MPHOSPH9: variants seen among roughly 807,000 people sequenced by gnomAD.
MPHOSPH9 encodes M-phase phosphoprotein 9.
In MPHOSPH9, 88 loss-of-function variants were observed where a neutral mutation model predicts 145.5. That is an observed-to-expected ratio of 0.60 (90% CI 0.51 to 0.72). The LOEUF is 0.72. Ranked by LOEUF, MPHOSPH9 falls within the 30% of genes least tolerant of loss-of-function variation. The pLI is 0.00. For synonymous variants in MPHOSPH9, 435 were observed against 486.2 expected (o/e 0.89, Z 1.39); for missense variants, 1,238 against 1,386.6 (o/e 0.89, Z 1.70).
intron 8 of MPHOSPH9, among the ~76,000 whole-genome samples, chr12:123,207,110 CT>C (rs2046468265): frequency 7.4e-6 from 1 of 134,638 alleles, no homozygotes; most frequent in Non-Finnish European, 1.6e-5. Flanking sequence ...TCTAAAGACT[CT>C]TTCCATAAGA....
intron 6 of MPHOSPH9, among the ~76,000 whole-genome samples, chr12:123,216,723 A>C (rs1790130): frequency 0.64 from 97,591 of 151,910 alleles, 35,825 homozygotes; most frequent in East Asian, 1. Flanking sequence ...TTGGGCCAGG[A>C]ACAGTGGCTC....
Position 123,171,664 on chromosome 12 carries a change from G to A in MPHOSPH9, c.2457-4875C>T, listed in dbSNP as rs571056547. The stretch of plus-strand genomic sequence containing the variant: ...CTTGGGAAGCTGAGGCAGGAGAATC[G>A]CTTGAACATGGGAAGCAGAGGTTAC... On this transcript the variant is annotated intron_variant, in intron 16 of 23. Coordinates refer to ENST00000606320, the MANE Select transcript of MPHOSPH9 (RefSeq NM_022782.4). Among the ~76,000 whole-genome samples, 8 of 148,908 alleles carry A rather than the reference G, an allele frequency of 5.4e-5. 1 individual carries two copies. The highest frequency in any genetic ancestry group is 4.2e-4 in the South Asian group (2 of 4,720).
intron 6 of MPHOSPH9, 98 bp from the exon 7 acceptor site, chr12:123,214,932 A>C: frequency 1.0e-6 from 1 of 979,732 alleles, no homozygotes; most frequent in Non-Finnish European, 1.6e-6. Flanking sequence ...GGTGGGGAGA[A>C]ACCTTCAGAG....
intron 6 of MPHOSPH9, 112 bp downstream of exon 6, chr12:123,218,264 G>A (rs1395675777): frequency 1.4e-6 from 2 of 1,434,654 alleles, no homozygotes; most frequent in Non-Finnish European, 9.4e-7. Context: ...ATGTATAAAT[G>A]AACAAATTAA....
chr12:123,237,900 C>CT (rs34786765), upstream of MPHOSPH9, among the ~76,000 whole-genome samples: 83,659 of 147,912 alleles, frequency 0.57, 27,283 homozygotes, highest in East Asian at 0.74. Context: ...CACCAAAACA[C>CT]TTTTTTTTTT....
chr12:123,177,468 G>A (rs1028282849), intron 15 of MPHOSPH9, among the ~76,000 whole-genome samples: 8 of 152,112 alleles, frequency 5.3e-5, no homozygotes, highest in South Asian at 2.1e-4. Context: ...CCCGGGAGGC[G>A]GAGGTTGCAG....
At chr12:123,224,539 G>C (rs569454797) in intron 3 of MPHOSPH9, among the ~76,000 whole-genome samples, 11 of 152,050 alleles carry the variant, frequency 7.2e-5, no homozygotes, top group Non-Finnish European at 1.5e-4. Flanking sequence ...CCAAAGTGCT[G>C]GGATTACAGG....
At chr12:123,164,187 C>A in intron 18 of MPHOSPH9, 97 bp from the exon 19 acceptor site, 1 of 1,385,562 alleles carries the variant, frequency 7.2e-7, no homozygotes, top group Non-Finnish European at 1.0e-6. Flanking sequence ...CACATGGTTA[C>A]ACACCAAGCC....
chr12:123,188,550 T>G (rs1051558389), intron 13 of MPHOSPH9, among the ~76,000 whole-genome samples: 2 of 152,078 alleles, frequency 1.3e-5, no homozygotes, highest in Non-Finnish European at 2.9e-5. Flanking sequence ...TGGAATTGTT[T>G]AAAAAATAGA....
chr12:123,216,902 T>G (rs2046986837), intron 6 of MPHOSPH9, among the ~76,000 whole-genome samples: 1 of 151,308 alleles, frequency 6.6e-6, no homozygotes, highest in Non-Finnish European at 1.5e-5. Flanking sequence ...GGCAGGAGAA[T>G]CGCTTGAACC....
At chr12:123,204,239 T>C (rs1343027080) in intron 8 of MPHOSPH9, among the ~76,000 whole-genome samples, 1 of 149,906 alleles carries the variant, frequency 6.7e-6, no homozygotes, top group East Asian at 2.0e-4. Context: ...AAGGCGGAGG[T>C]TGTGGTGAGC....
At chr12:123,231,183 T>C (rs1018391921) in intron 1 of MPHOSPH9, among the ~76,000 whole-genome samples, 4 of 152,324 alleles carry the variant, frequency 2.6e-5, no homozygotes, top group African/African-American at 2.4e-5. Flanking sequence ...CATCTTGCTA[T>C]GTTGCCCAGG....
At chr12:123,181,941 T>C (rs946741828) in intron 13 of MPHOSPH9, among the ~76,000 whole-genome samples, 1 of 152,084 alleles carries the variant, frequency 6.6e-6, no homozygotes, top group Non-Finnish European at 1.5e-5. Context: ...TGCATTGCTC[T>C]TTTTGGAACT....
At chr12:123,231,694 C>A (rs1031191674) in intron 1 of MPHOSPH9, among the ~76,000 whole-genome samples, 16 of 151,810 alleles carry the variant, frequency 1.1e-4, no homozygotes, top group Admixed American at 3.9e-4. Flanking sequence ...AAGACCCCAT[C>A]TCTTAAAAAA....
At chr12:123,230,071 C>T in intron 2 of MPHOSPH9, 190 bp downstream of exon 2, 2 of 408,550 alleles carry the variant, frequency 4.9e-6, no homozygotes, top group Non-Finnish European at 8.8e-6. Context: ...ATCCACCCGC[C>T]TCAGCCTACC....
At chr12:123,171,238 G>C (rs1253893339) in intron 16 of MPHOSPH9, among the ~76,000 whole-genome samples, 1 of 152,074 alleles carries the variant, frequency 6.6e-6, no homozygotes, top group Non-Finnish European at 1.5e-5. Flanking sequence ...CGGATCACTT[G>C]AGGTCAGGAG....
At chr12:123,158,221 T>C (rs1048167500) in intron 23 of MPHOSPH9, among the ~76,000 whole-genome samples, 1 of 151,934 alleles carries the variant, frequency 6.6e-6, no homozygotes, top group African/African-American at 2.4e-5. Flanking sequence ...AACTCCTGAC[T>C]GCAGGTGATC....
chr12:123,223,096 T>C lies in MPHOSPH9; in HGVS notation c.290A>G (p.Glu97Gly). 1.4e-6 allele frequency: 2 copies of C among 1,481,324 alleles called. No homozygotes were observed. Among genetic ancestry groups the C allele is most frequent in the Non-Finnish European group, 1.8e-6 (2 of 1,125,112 alleles). 91.8% of individuals were successfully genotyped at this position (1,481,324 alleles called of 1,614,324 possible). A position where few individuals can be genotyped will look rare whatever the true frequency, so the allele number is the denominator to read the frequency against. Reference sequence around the variant, plus strand: ...AACTATCTGTTCTTGGCATTGTTTTTCCACCAAATTGAATAGCTGTAACCA... The same window carrying C: ...AACTATCTGTTCTTGGCATTGTTTTCCCACCAAATTGAATAGCTGTAACCA... ...TRWLQLFNLV[E>G]KQCQEQIVAQ... Residue 97 changes from glutamate to glycine, a missense_variant, in exon 4 of 24, where the codon GAA becomes GGA. Physicochemically the swap from Glu to Gly is moderately conservative, Grantham distance 98. This residue lies in a region of MPHOSPH9 where 837 missense variants were observed against 897.5 expected (regional missense o/e 0.93). Transcript: ENST00000606320.
downstream of MPHOSPH9, chr12:123,152,375 G>A: frequency 3.0e-6 from 1 of 337,348 alleles, no homozygotes. Context: ...AAGAGAGATG[G>A]TCCCTGCTCC....
Sources: allele counts gnomAD v4.1 joint callset (sites outside exome capture counted in the v4.1 genomes callset), GRCh38; gene constraint gnomAD v4.1.1; regional missense constraint gnomAD v4.1.1; transcripts MANE v1.5; gene names NCBI Gene and HGNC (gene_info 2026-07-23, HGNC 2026-07-21).